The following PRKDC variants were observed in gnomAD, a reference collection of about 807,000 sequenced individuals.
PRKDC encodes protein kinase, DNA-activated, catalytic subunit, also known as DNA-dependent protein kinase catalytic subunit.
PRKDC carries 82 observed loss-of-function variants against 486.9 expected under a neutral mutation model. That is an observed-to-expected ratio of 0.17 (90% CI 0.14 to 0.20). The LOEUF (loss-of-function observed/expected upper bound fraction) is 0.20. PRKDC is among the 10% of genes least tolerant of loss of function. PRKDC has a pLI of 1.00. For synonymous variants in PRKDC, 1,895 were observed against 1,837.0 expected (o/e 1.03, Z -0.81); for missense variants, 4,504 against 5,038.2 (o/e 0.89, Z 3.21).
intron 74 of PRKDC, among the ~76,000 whole-genome samples, chr8:47,791,660 C>A (rs2086886096): frequency 3.9e-5 from 6 of 151,990 alleles, no homozygotes; most frequent in South Asian, 4.2e-4. Flanking sequence ...CAGAGAAATG[C>A]AAATCAAAAC....
In PRKDC at chr8:47,863,425, T is replaced by C. The variant is rs1306718581; in HGVS notation, c.5724A>G (p.Gly1908=). 1.9e-6 allele frequency: 3 copies of C among 1,608,160 alleles called. No homozygotes were observed. The highest frequency in any genetic ancestry group is 1.7e-5 in the Admixed American group (1 of 59,096). Residue 1908 remains glycine (G), a synonymous_variant, in exon 42 of 86, where the codon GGA becomes GGG. Transcript: ENST00000314191. ...QVFHGSCITE[G]NELTKTLIKL... is the part of the protein sequence containing the mutation. ...TAATCAATGTCTTTGTAAGTTCATT[T>C]CCTTCTGTAATACACGAGCCATGGA...
chr8:47,819,427 C>A lies in PRKDC; in HGVS notation c.9420G>T (p.Glu3140Asp). 6.5e-7 allele frequency: 1 copy of A among 1,543,936 alleles called. No homozygotes were observed. Among genetic ancestry groups the A allele is most frequent in the Non-Finnish European group, 8.7e-7 (1 of 1,155,020 alleles). Reference sequence around the variant, plus strand: ...CTTGTTTGCTTATAAAGCTGATGAACTCCTGAATTTCTGTTAAAGCCTGTA... The same window carrying A: ...CTTGTTTGCTTATAAAGCTGATGAAATCCTGAATTTCTGTTAAAGCCTGTA... ...QSVQALTEIQ[E>D]FISFISKQGN... The change falls in exon 67 of 86, where the codon GAG becomes GAT. Residue 3140 changes from glutamate to aspartate, a missense_variant. Glu to Asp is a conservative substitution (Grantham distance 45). This residue lies in a region of PRKDC where 1,592 missense variants were observed against 1,724.6 expected (regional missense o/e 0.92). Transcript: ENST00000314191.
intron 77 of PRKDC, among the ~76,000 whole-genome samples, chr8:47,784,394 T>C (rs1307619619): frequency 6.6e-6 from 1 of 152,210 alleles, no homozygotes; most frequent in Non-Finnish European, 1.5e-5. Context: ...CCAATCAAGC[T>C]GCATATGACA....
At position 47,924,709 on chromosome 8, in the gene PRKDC, T is replaced by G. The variant is rs889307160; in HGVS notation, c.2419+2485A>C. ...ATGTAACACACAAACACACACTCTC[T>G]CTCTCTCAGTTCTATTTTCACATTT... On this transcript the variant is annotated intron_variant, in intron 21 of 85. Coordinates refer to ENST00000314191, the MANE Select transcript of PRKDC (RefSeq NM_006904.7). Among the ~76,000 whole-genome samples the G allele has an allele frequency of 3.9e-5, 6 of 152,228 alleles. 1 individual carries two copies. In the South Asian group the frequency reaches 1.2e-3, roughly 32 times the overall value.
chr8:47,887,030 G>A (rs935353249), intron 35 of PRKDC, among the ~76,000 whole-genome samples: 2 of 152,140 alleles, frequency 1.3e-5, no homozygotes, highest in Non-Finnish European at 2.9e-5. Context: ...GGACAAAGGG[G>A]TGAAAAAGGG....
At chr8:47,798,158 C>T in intron 73 of PRKDC, 79 bp downstream of exon 73, 1 of 1,454,046 alleles carries the variant, frequency 6.9e-7, no homozygotes, top group Non-Finnish European at 9.4e-7. Flanking sequence ...ACTGCACACA[C>T]TAACGCGTTT....
At chr8:47,864,196 G>A (rs764250038) in intron 41 of PRKDC, among the ~76,000 whole-genome samples, 1 of 138,978 alleles carries the variant, frequency 7.2e-6, no homozygotes, top group Non-Finnish European at 1.7e-5. Context: ...AATGTGACCA[G>A]GGAGGAAGAG....
At chr8:47,953,547 A>G in intron 7 of PRKDC, 73 bp downstream of exon 7, 2 of 1,363,020 alleles carry the variant, frequency 1.5e-6, no homozygotes, top group Non-Finnish European at 1.0e-6. Flanking sequence ...TAAGAGTTCA[A>G]AGAAATAATC....
chr8:47,852,320 G>C (rs1052699122), intron 52 of PRKDC, among the ~76,000 whole-genome samples: 1 of 152,252 alleles, frequency 6.6e-6, no homozygotes, highest in Non-Finnish European at 1.5e-5. Context: ...GAATGGACTG[G>C]GGGAGGACAG....
Position 47,902,684 on chromosome 8 carries a change from T to C in PRKDC, c.3154A>G (p.Ser1052Gly). Reference sequence around the variant, plus strand: ...AAAAGCGATTTGGTGTTTACTGGACTCTTCTCCTGCTGCTGTGGTGTTATT... The same window carrying C: ...AAAAGCGATTTGGTGTTTACTGGACCCTTCTCCTGCTGCTGTGGTGTTATT... ...KQITPQQQEK[S>G]PVNTKSLFKR... Residue 1052 changes from serine (S) to glycine (G), a missense_variant, in exon 27 of 86, where the codon AGT (serine) becomes GGT (glycine). Transcript: ENST00000314191. 1 of 1,613,980 alleles carries C rather than the reference T, an allele frequency of 6.2e-7. No individual in the cohort carries two copies. The highest frequency in any genetic ancestry group is 1.1e-5 in the South Asian group (1 of 91,072).
At chr8:47,775,223 A>G (rs1008829269) in intron 85 of PRKDC, among the ~76,000 whole-genome samples, 1 of 151,812 alleles carries the variant, frequency 6.6e-6, no homozygotes, top group Admixed American at 6.6e-5. Flanking sequence ...AAATTAATTA[A>G]TTAATAGCCA....
chr8:47,948,220 T>C (rs573249765), intron 7 of PRKDC, among the ~76,000 whole-genome samples: 208 of 152,074 alleles, frequency 1.4e-3, no homozygotes, highest in Admixed American at 2.6e-3. Flanking sequence ...CTCGGGTCAC[T>C]GCAGCCTCTG....
chr8:47,894,870 A>C (rs1275318186), intron 30 of PRKDC, among the ~76,000 whole-genome samples: 3 of 152,286 alleles, frequency 2.0e-5, no homozygotes, highest in Non-Finnish European at 4.4e-5. Flanking sequence ...AGGACTCAAG[A>C]CTAGCCTGGG....
chr8:47,939,544 G>A lies in PRKDC; in HGVS notation c.1113+7C>T. ...AAGACAAAATAGAGTAAGTTAATGA[G>A]ACATACTCCTGCAAAAAGTCCATAT... On this transcript the variant is annotated splice_region_variant and intron_variant, in intron 11 of 85. Coordinates refer to ENST00000314191, the MANE Select transcript of PRKDC (RefSeq NM_006904.7). 6.2e-7 allele frequency: 1 copy of A among 1,609,480 alleles called. No homozygotes were observed. Among genetic ancestry groups the A allele is most frequent in the South Asian group, 1.1e-5 (1 of 89,784 alleles).
Position 47,861,995 on chromosome 8 carries a change from T to C in PRKDC, c.5985+67A>G, listed in dbSNP as rs1161128585. 3.1e-6 allele frequency: 4 copies of C among 1,282,610 alleles called. No individual in the cohort carries two copies. In the African/African-American group the frequency reaches 6.0e-5, roughly 19 times the overall value. 79.5% of individuals were successfully genotyped at this position (1,282,610 alleles called of 1,614,324 possible). ...CTTGAATATTGGCAACTTAACGTGT[T>C]TGACATAATATGGTTTTCTTTGTGA... On this transcript the variant is annotated intron_variant, in intron 44 of 85. Coordinates refer to ENST00000314191, the MANE Select transcript of PRKDC (RefSeq NM_006904.7).
At chr8:47,927,032 T>C (rs963125211) in intron 21 of PRKDC, 162 bp downstream of exon 21, 9 of 727,954 alleles carry the variant, frequency 1.2e-5, no homozygotes, top group South Asian at 2.2e-5. Flanking sequence ...TTTATCACAA[T>C]TAGAGTCAGA....
rs768076817 is a variant in PRKDC at position 47,886,093 on chromosome 8, A to C, written c.4627T>G (p.Leu1543Val). The C allele has an allele frequency of 6.2e-6, 10 of 1,613,574 alleles. No homozygotes were observed. The highest frequency in any genetic ancestry group is 4.4e-5 in the South Asian group (4 of 91,080). ...LNPAVLSTAS[L>V]GSSQGSVIHF... ...ATGACGCTGCCCTGTGAGCTGCCCA[A>C]GGACGCCGTGGACAGCACCGCTGGG... is the stretch of plus-strand genomic sequence containing the variant. The change falls in exon 36 of 86, where the codon TTG becomes GTG. Residue 1543 changes from leucine (L) to valine (V), a missense_variant. Transcript: ENST00000314191.
At position 47,930,757 on chromosome 8, in the gene PRKDC, T is replaced by C. The variant is rs2154503559; in HGVS notation, c.1807A>G (p.Ile603Val). The change falls in exon 17 of 86, where the codon ATC becomes GTC. Residue 603 changes from isoleucine (I) to valine (V), a missense_variant. By Grantham distance (29) the Ile-to-Val change is conservative. Coordinates refer to ENST00000314191, the MANE Select transcript of PRKDC (RefSeq NM_006904.7). ...TTAGCCGCTGGATCTGAAGTTGGGA[T>C]CATCCAAACACCAGGCGCCTCATCT... ...NGDEAPGVWM[I>V]PTSDPAANLH... The C allele has an allele frequency of 6.3e-7, 1 of 1,588,762 alleles. No homozygotes were observed. The highest frequency in any genetic ancestry group is 2.3e-5 in the East Asian group (1 of 44,014).
intron 23 of PRKDC, among the ~76,000 whole-genome samples, chr8:47,914,934 C>T (rs1274799667): frequency 5.9e-5 from 9 of 152,152 alleles, no homozygotes; most frequent in Admixed American, 5.9e-4. Context: ...GAATTACAGG[C>T]GTGAGCCACC....
Sources: allele counts gnomAD v4.1 joint callset (sites outside exome capture counted in the v4.1 genomes callset), GRCh38; gene constraint gnomAD v4.1.1; regional missense constraint gnomAD v4.1.1; transcripts MANE v1.5; gene names NCBI Gene and HGNC (gene_info 2026-07-23, HGNC 2026-07-21).